Variants in DYNC1H1 observed in about 807,000 individuals in gnomAD.
The protein encoded by DYNC1H1 is cytoplasmic dynein 1 heavy chain 1.
DYNC1H1 carries 51 observed loss-of-function variants against 527.1 expected under a neutral mutation model. That is an observed-to-expected ratio of 0.10 (90% CI 0.08 to 0.12). The LOEUF (loss-of-function observed/expected upper bound fraction) is 0.12. Among genes scored for constraint, DYNC1H1 ranks in the 10% least tolerant of loss-of-function variants. The pLI is 1.00. For synonymous variants in DYNC1H1, 2,189 were observed against 2,278.8 expected, an observed-to-expected ratio of 0.96 and a Z score of 1.12; for missense variants, 2,771 against 5,971.8, an observed-to-expected ratio of 0.46 and a Z score of 17.66.
Position 102,028,062 on chromosome 14 carries a change from A to G in DYNC1H1, c.9389A>G (p.Tyr3130Cys), listed in dbSNP as rs2048470104. 2 of 1,614,122 alleles carry G rather than the reference A, an allele frequency of 1.2e-6. No homozygotes were observed. Among genetic ancestry groups the G allele is most frequent in the South Asian group, 1.1e-5 (1 of 91,088 alleles). Reference protein sequence around the residue: ...YIVPDYMPVVYDKLPQPPSHR... With the variant: ...YIVPDYMPVVCDKLPQPPSHR... The stretch of plus-strand genomic sequence containing the variant: ...GTGCCTGATTACATGCCAGTTGTGT[A>G]TGATAAGCTGCCGCAGCCACCATCC... Residue 3130 changes from tyrosine to cysteine, a missense_variant, in exon 48 of 78, where the codon TAT (tyrosine) becomes TGT (cysteine). Coordinates refer to ENST00000360184, the MANE Select transcript of DYNC1H1 (RefSeq NM_001376.5).
chr14:102,029,464 A>C lies in DYNC1H1; in HGVS notation c.9469-75A>C. 1.9e-6 allele frequency: 3 copies of C among 1,597,504 alleles called. No individual in the cohort carries two copies. The highest frequency in any genetic ancestry group is 8.5e-7 in the Non-Finnish European group (1 of 1,170,368). ...TTCTATCATGTCACACCCATCTGCCAAGGCCAAAATTGTTTTCTGAGGTTA... is the reference window on the plus strand; with the variant it reads ...TTCTATCATGTCACACCCATCTGCCCAGGCCAAAATTGTTTTCTGAGGTTA... On this transcript the variant is annotated intron_variant, in intron 48 of 77. Coordinates refer to ENST00000360184, the MANE Select transcript of DYNC1H1 (RefSeq NM_001376.5). This position sits in a 1 kb window ranked among gnomAD's most constrained non-coding sequence, Gnocchi z 5.3.
rs1198661796 is a variant in DYNC1H1 at position 102,029,335 on chromosome 14, T to C, written c.9469-204T>C. 5 of 621,868 alleles carry C rather than the reference T, an allele frequency of 8.0e-6. No homozygotes were observed. The highest frequency in any genetic ancestry group is 1.1e-5 in the Non-Finnish European group (4 of 357,616). The allele number at this position is 621,868 out of a possible 1,614,324, so 38.5% of individuals were successfully genotyped here. A position where few individuals can be genotyped will look rare whatever the true frequency, so the allele number is the denominator to read the frequency against. ...AATCACCATCCTCAGTTTAGAGAAG[T>C]TAAAGGGCTTAGAGAGGTTTGGAAG... On this transcript the variant is annotated intron_variant, in intron 48 of 77. Coordinates refer to ENST00000360184, the MANE Select transcript of DYNC1H1 (RefSeq NM_001376.5). This position sits in a 1 kb window ranked among gnomAD's most constrained non-coding sequence, Gnocchi z 5.3.
intron 5 of DYNC1H1, 104 bp downstream of exon 5, chr14:101,980,654 G>A: frequency 7.3e-7 from 1 of 1,374,482 alleles, no homozygotes; most frequent in Non-Finnish European, 1.0e-6. Flanking sequence ...CAGATGTACT[G>A]TCGTTTTTAA....
Position 102,036,846 on chromosome 14 carries a change from C to G in DYNC1H1, c.10908+204C>G, listed in dbSNP as rs543630628. 1.6e-6 allele frequency: 1 copy of G among 613,358 alleles called. No individual in the cohort carries two copies. The highest frequency in any genetic ancestry group is 3.9e-5 in the East Asian group (1 of 25,384). 38.0% of individuals were successfully genotyped at this position (613,358 alleles called of 1,614,324 possible). A position where few individuals can be genotyped will look rare whatever the true frequency, so the allele number is the denominator to read the frequency against. On this transcript the variant is annotated intron_variant, in intron 57 of 77. Transcript: ENST00000360184. This position sits in a 1 kb window ranked among gnomAD's most constrained non-coding sequence, Gnocchi z 5.6. The stretch of plus-strand genomic sequence containing the variant: ...AGTGGTCGGGCGAGGTGGCTCACAC[C>G]TGTAATCTCAGCACTTTGGGAGGCC...
chr14:102,027,249 C>T lies in DYNC1H1; in HGVS notation c.8847C>T (p.Phe2949=), dbSNP rs200720335. The T allele has an allele frequency of 8.7e-6, 14 of 1,614,058 alleles. No individual in the cohort carries two copies. The highest frequency in any genetic ancestry group is 5.3e-5 in the African/African-American group (4 of 75,026). Residue 2949 remains phenylalanine, a synonymous_variant, in exon 45 of 78, where the codon TTC becomes TTT. Transcript: ENST00000360184. This position sits in a 1 kb window ranked among gnomAD's most constrained non-coding sequence, Gnocchi z 7.7. ...CAGGAAAAACTACCCTGTCTCGTTTCGTCGCCTGGATGAACGGTTTGAGTG... is the reference window on the plus strand; with the variant it reads ...CAGGAAAAACTACCCTGTCTCGTTTTGTCGCCTGGATGAACGGTTTGAGTG... ...SGAGKTTLSR[F]VAWMNGLSVY...
chr14:101,996,255 G>A (rs931052025), intron 15 of DYNC1H1, among the ~76,000 whole-genome samples: 2 of 150,660 alleles, frequency 1.3e-5, no homozygotes, highest in Non-Finnish European at 3.0e-5. Context: ...TCAGCCTCCC[G>A]AGTAGCTGGA....
chr14:101,990,076 AGGTACATGCTGT>A (rs1595602845), intron 10 of DYNC1H1, among the ~76,000 whole-genome samples: 1 of 152,156 alleles, frequency 6.6e-6, no homozygotes, highest in African/African-American at 2.4e-5. Flanking sequence ...AGACTTGTGT[AGGTACATGCTGT>A]GGAGTTTGCA....
intron 28 of DYNC1H1, 68 bp downstream of exon 28, chr14:102,007,176 T>A: frequency 2.0e-6 from 3 of 1,519,732 alleles, no homozygotes; most frequent in Non-Finnish European, 2.7e-6. Flanking sequence ...AATATCAAGC[T>A]CCGTACCTCT....
rs150293873 is a variant in DYNC1H1 at position 101,971,137 on chromosome 14, G to A, written c.257-4575G>A. Among the ~76,000 whole-genome samples, 430 of 117,432 alleles carry A rather than the reference G, an allele frequency of 3.7e-3. 7 individuals are homozygous for A. The highest frequency in any genetic ancestry group is 0.016 in the Middle Eastern group (2 of 124). 77.0% of individuals were successfully genotyped at this position (117,432 alleles called of 152,430 possible). ...TTTTGAGGCAGGGTCTTGCTCTGTC[G>A]CCCAGGCTGGAGTGCAGCGCTGCAG... is the stretch of plus-strand genomic sequence containing the variant. On this transcript the variant is annotated intron_variant, in intron 1 of 77. Coordinates refer to ENST00000360184, the MANE Select transcript of DYNC1H1 (RefSeq NM_001376.5).
intron 50 of DYNC1H1, 106 bp from the exon 51 acceptor site, chr14:102,030,056 G>A: frequency 1.9e-6 from 3 of 1,562,490 alleles, no homozygotes; most frequent in East Asian, 2.4e-5. Context: ...GAGGGAGAGA[G>A]AGTGTGTGTG....
Position 102,018,482 on chromosome 14 carries a change from G to A in DYNC1H1, c.8209G>A (p.Asp2737Asn). 6.2e-7 allele frequency: 1 copy of A among 1,613,852 alleles called. No homozygotes were observed. Among genetic ancestry groups the A allele is most frequent in the Non-Finnish European group, 8.5e-7 (1 of 1,180,020 alleles). The change falls in exon 41 of 78, where the codon GAT becomes AAT. Residue 2737 changes from aspartate to asparagine, a missense_variant. This residue lies in a region of DYNC1H1 where 163 missense variants were observed against 346.9 expected (regional missense o/e 0.47). Coordinates refer to ENST00000360184, the MANE Select transcript of DYNC1H1 (RefSeq NM_001376.5). This position sits in a 1 kb window ranked among gnomAD's most constrained non-coding sequence, Gnocchi z 5.2. Reference sequence around the variant, plus strand: ...GCGCCACGTGCCTGTCGTGTATGTGGATTACCCGGGCCCCGCCTCCCTCAC... The same window carrying A: ...GCGCCACGTGCCTGTCGTGTATGTGAATTACCCGGGCCCCGCCTCCCTCAC... ...FLRHVPVVYVDYPGPASLTQI... is the reference protein window; with the variant it reads ...FLRHVPVVYVNYPGPASLTQI...
In DYNC1H1 at chr14:102,039,540, C is replaced by A. The variant is rs1286532855; in HGVS notation, c.11589C>A (p.Leu3863=). The A allele has an allele frequency of 1.2e-6, 2 of 1,614,152 alleles. No individual in the cohort carries two copies. Among genetic ancestry groups the A allele is most frequent in the Admixed American group, 3.3e-5 (2 of 60,014 alleles). The change falls in exon 61 of 78, where the codon CTC becomes CTA. Residue 3863 remains leucine (L), a synonymous_variant. Coordinates refer to ENST00000360184, the MANE Select transcript of DYNC1H1 (RefSeq NM_001376.5). This position sits in a 1 kb window ranked among gnomAD's most constrained non-coding sequence, Gnocchi z 7.0. ...GCCTGTCCATTATAACAAAGGACCT[C>A]TTCCAGGTAGAGTGAGGTCCTCAGC... ...TQRLSIITKD[L]FQVAFNRVAR...
At chr14:101,969,211 G>A (rs953482641) in intron 1 of DYNC1H1, among the ~76,000 whole-genome samples, 13 of 150,700 alleles carry the variant, frequency 8.6e-5, no homozygotes, top group East Asian at 2.0e-4. Context: ...TAGTAGAGAC[G>A]GGGTTTCACC....
chr14:102,012,525 T>G lies in DYNC1H1; in HGVS notation c.7014+55T>G. 6.2e-7 allele frequency: 1 copy of G among 1,611,788 alleles called. No homozygotes were observed. Among genetic ancestry groups the G allele is most frequent in the Non-Finnish European group, 8.5e-7 (1 of 1,178,204 alleles). On this transcript the variant is annotated intron_variant, in intron 34 of 77. Transcript: ENST00000360184. The surrounding 1 kb of genome is among the most constrained non-coding windows in gnomAD (Gnocchi z 4.9). ...AATAATTCCTTTTGGCCAACTAAAC[T>G]TCGTGTGCTAGCTAAGTGCAGCTCT...
chr14:101,980,485 T>C lies in DYNC1H1; in HGVS notation c.896T>C (p.Leu299Pro). The change falls in exon 5 of 78, where the codon CTG becomes CCG. Residue 299 changes from leucine to proline, a missense_variant. By Grantham distance (98) the Leu-to-Pro change is moderately conservative. This residue lies in a region of DYNC1H1 where 146 missense variants were observed against 288.1 expected (regional missense o/e 0.51). Coordinates refer to ENST00000360184, the MANE Select transcript of DYNC1H1 (RefSeq NM_001376.5). The part of the protein sequence containing the change: ...QEKRESPEVL[L>P]TLDILKHGKR... ...AAACGGGAGAGCCCGGAAGTTCTCC[T>C]GACTCTGGATATCTTGAAACATGGC... 6.2e-7 allele frequency: 1 copy of C among 1,614,246 alleles called. No homozygotes were observed. The highest frequency in any genetic ancestry group is 8.5e-7 in the Non-Finnish European group (1 of 1,180,048).
chr14:102,011,282 G>T lies in DYNC1H1; in HGVS notation c.6618+330G>T. 1 of 401,148 alleles carries T rather than the reference G, an allele frequency of 2.5e-6. No individual in the cohort carries two copies. The highest frequency in any genetic ancestry group is 4.7e-6 in the Non-Finnish European group (1 of 212,244). The allele number at this position is 401,148 out of a possible 1,614,324, so 24.8% of individuals were successfully genotyped here. A position where few individuals can be genotyped will look rare whatever the true frequency, so the allele number is the denominator to read the frequency against. ...CCAGAGATGAACAACCTGAATCGCTGATCAATACGTAGTTTACATTCTGTA... is the reference window on the plus strand; with the variant it reads ...CCAGAGATGAACAACCTGAATCGCTTATCAATACGTAGTTTACATTCTGTA... On this transcript the variant is annotated intron_variant, in intron 32 of 77. Transcript: ENST00000360184. This position sits in a 1 kb window ranked among gnomAD's most constrained non-coding sequence, Gnocchi z 5.3.
chr14:101,988,618 G>A (rs1478893254), intron 9 of DYNC1H1, 85 bp from the exon 10 acceptor site: 2 of 1,580,776 alleles, frequency 1.3e-6, no homozygotes, highest in East Asian at 4.5e-5. Context: ...TCTTTTATCT[G>A]AAACACCTAC....
In DYNC1H1 at chr14:102,041,513, G is replaced by GA; in HGVS notation, c.11942-61_11942-60insA. The GA allele has an allele frequency of 6.2e-7, 1 of 1,611,038 alleles. No homozygotes were observed. Among genetic ancestry groups the GA allele is most frequent in the East Asian group, 2.2e-5 (1 of 44,880 alleles). On this transcript the variant is annotated intron_variant, in intron 64 of 77. Transcript: ENST00000360184. This position sits in a 1 kb window ranked among gnomAD's most constrained non-coding sequence, Gnocchi z 4.5. ...TACTTTGGGAAGAACAGTCCAGGCA[G>GA]GGGAGGGCGTCTCTGAGTCCATGCT...
chr14:102,021,656 C>CTTTTTTTTTTTTTTT (rs757880988), intron 42 of DYNC1H1, among the ~76,000 whole-genome samples: 2 of 119,836 alleles, frequency 1.7e-5, no homozygotes, highest in Admixed American at 9.0e-5. Context: ...TTTTCTTTTT[C>CTTTTTTTTTTTTTTT]TTTTTTTTTT....
Sources: allele counts gnomAD v4.1 joint callset (sites outside exome capture counted in the v4.1 genomes callset), GRCh38; gene constraint gnomAD v4.1.1; regional missense constraint gnomAD v4.1.1; non-coding constraint Gnocchi (gnomAD v3.1); transcripts MANE v1.5; gene names NCBI Gene and HGNC (gene_info 2026-07-23, HGNC 2026-07-21).